The following OVOL2 variants were observed in gnomAD, a reference collection of about 807,000 sequenced individuals.
OVOL2 encodes ovo like zinc finger 2.
OVOL2 carries 13 observed loss-of-function variants against 18.1 expected under a neutral mutation model. The observed-to-expected ratio is 0.72, with a 90% CI of 0.47 to 1.14. The LOEUF (loss-of-function observed/expected upper bound fraction) is 1.14. OVOL2 is among the 50% of genes most tolerant of loss of function. The pLI is 0.00. For missense variants in OVOL2, 335 were observed against 383.0 expected, an observed-to-expected ratio of 0.87 and a Z score of 1.05; for synonymous variants, 166 against 162.7, an observed-to-expected ratio of 1.02 and a Z score of -0.16.
intron 2 of OVOL2, among the ~76,000 whole-genome samples, 178 bp from the exon 3 acceptor site, chr20:18,041,901 CCCTTT>C (rs1568636380): frequency 1.5e-4 from 20 of 137,240 alleles, no homozygotes; most frequent in African/African-American, 3.4e-4. Context: ...GTTCCTCCCA[CCCTTT>C]TTTTTTTTTT....
At position 18,049,919 on chromosome 20, in the gene OVOL2, G is replaced by A. The variant is rs138021544; in HGVS notation, c.321+6738C>T. Among the ~76,000 whole-genome samples the A allele has an allele frequency of 2.0e-4, 31 of 152,216 alleles. 1 individual carries two copies. The highest frequency in any genetic ancestry group is 7.5e-4 in the African/African-American group (31 of 41,534). On this transcript the variant is annotated intron_variant, in intron 2 of 3. Coordinates refer to ENST00000278780, the MANE Select transcript of OVOL2 (RefSeq NM_021220.4). ...AGCATCAAAGCCACATATTGACTACGGCTGACATACTGGACAGTACAGTTG... is the reference window on the plus strand; with the variant it reads ...AGCATCAAAGCCACATATTGACTACAGCTGACATACTGGACAGTACAGTTG...
At chr20:18,053,390 T>A (rs1320022255) in intron 2 of OVOL2, among the ~76,000 whole-genome samples, 1 of 152,120 alleles carries the variant, frequency 6.6e-6, no homozygotes, top group Non-Finnish European at 1.5e-5. Context: ...TAATGATCCA[T>A]GAACACAGCC....
In OVOL2 at chr20:18,033,880, C is replaced by A. The variant is rs184909542; in HGVS notation, c.511+7654G>T. Reference sequence around the variant, plus strand: ...TTAGGAAGCATCCTAGCCTGTTCAACCTAAAACACTTAAATAAATCCGAAA... The same window carrying A: ...TTAGGAAGCATCCTAGCCTGTTCAAACTAAAACACTTAAATAAATCCGAAA... On this transcript the variant is annotated intron_variant, in intron 3 of 3. Transcript: ENST00000278780. Among the ~76,000 whole-genome samples the A allele has an allele frequency of 2.7e-3, 417 of 152,260 alleles. 4 individuals are homozygous for A. The highest frequency in any genetic ancestry group is 9.5e-3 in the African/African-American group (395 of 41,550).
chr20:18,058,731 T>C (rs1302579907), upstream of OVOL2, among the ~76,000 whole-genome samples: 1 of 152,198 alleles, frequency 6.6e-6, no homozygotes, highest in African/African-American at 2.4e-5. Context: ...TAGTGAACAT[T>C]GGCTACATCT....
chr20:18,049,115 G>A (rs181835905), intron 2 of OVOL2, among the ~76,000 whole-genome samples: 1 of 152,314 alleles, frequency 6.6e-6, no homozygotes, highest in East Asian at 1.9e-4. Flanking sequence ...GCGCTTTTCT[G>A]AGCACTGTCC....
chr20:18,050,596 C>T (rs1300208820), intron 2 of OVOL2: 1 of 152,212 alleles, frequency 6.6e-6, no homozygotes, highest in Non-Finnish European at 1.5e-5. Flanking sequence ...AATTAATACA[C>T]ATTGTTCTCA....
Position 18,024,827 on chromosome 20 carries a change from G to C in OVOL2, c.637C>G (p.Leu213Val), listed in dbSNP as rs2036496662. 1 of 1,614,062 alleles carries C rather than the reference G, an allele frequency of 6.2e-7. No homozygotes were observed. Among genetic ancestry groups the C allele is most frequent in the Non-Finnish European group, 8.5e-7 (1 of 1,180,036 alleles). Reference sequence around the variant, plus strand: ...TAGCCGCAATCCTCGCAGACGTAGAGCTTGTCCCGCCGCTGCTTATAGGCA... The same window carrying C: ...TAGCCGCAATCCTCGCAGACGTAGACCTTGTCCCGCCGCTGCTTATAGGCA... ...QYAYKQRRDK[L>V]YVCEDCGYTG... The change falls in exon 4 of 4, where the codon CTC becomes GTC. Residue 213 changes from leucine (L) to valine (V), a missense_variant. Physicochemically the swap from Leu to Val is conservative, Grantham distance 32. Coordinates refer to ENST00000278780, the MANE Select transcript of OVOL2 (RefSeq NM_021220.4).
chr20:18,054,766 C>CAAAAAAAAAAAAAA (rs745367889), intron 2 of OVOL2, among the ~76,000 whole-genome samples: 23 of 63,380 alleles, frequency 3.6e-4, no homozygotes, highest in African/African-American at 1.4e-3. Context: ...AACTCCATCT[C>CAAAAAAAAAAAAAA]AAAAAAAAAA....
intron 3 of OVOL2, among the ~76,000 whole-genome samples, chr20:18,029,642 T>A (rs763519689): frequency 2.0e-5 from 3 of 152,154 alleles, no homozygotes; most frequent in Non-Finnish European, 4.4e-5. Flanking sequence ...CTGTGGTTCC[T>A]TCTGGGCAGT....
chr20:18,045,800 G>T (rs995727742), intron 2 of OVOL2, among the ~76,000 whole-genome samples: 1 of 152,120 alleles, frequency 6.6e-6, no homozygotes, highest in Non-Finnish European at 1.5e-5. Context: ...TAAAACAGGG[G>T]AGAAAATGGG....
intron 3 of OVOL2, among the ~76,000 whole-genome samples, chr20:18,027,516 C>T (rs575813648): frequency 4.0e-4 from 50 of 124,250 alleles, no homozygotes; most frequent in African/African-American, 1.4e-3. Flanking sequence ...CAACAGAGCG[C>T]GACTCCGTCT....
intron 3 of OVOL2, among the ~76,000 whole-genome samples, chr20:18,037,103 T>A (rs542189988): frequency 7.5e-5 from 10 of 132,876 alleles, no homozygotes; most frequent in African/African-American, 3.0e-4. Flanking sequence ...GCCACCGCAC[T>A]CCAGCCTGGG....
chr20:18,041,319 C>T (rs182063345), intron 3 of OVOL2, among the ~76,000 whole-genome samples: 18 of 151,892 alleles, frequency 1.2e-4, no homozygotes, highest in East Asian at 3.9e-4. Context: ...GCCACCACCA[C>T]GCCCAGCTAA....
Position 18,057,631 on chromosome 20 carries a change from G to A in OVOL2, c.4C>T (p.Pro2Ser). The A allele has an allele frequency of 1.9e-6, 3 of 1,578,200 alleles. No individual in the cohort carries two copies. Among genetic ancestry groups the A allele is most frequent in the South Asian group, 1.2e-5 (1 of 86,702 alleles). Residue 2 changes from proline to serine, a missense_variant, in exon 1 of 4, where the codon CCC becomes TCC. Transcript: ENST00000278780. This position sits in a 1 kb window ranked among gnomAD's most constrained non-coding sequence, Gnocchi z 6.3. ...CTCCTCTTCACCAGGAAGACTTTGG[G>A]CATGGTGGGGTCCCCTCTCCCGACT... is the stretch of plus-strand genomic sequence containing the variant. M[P>S]KVFLVKRRSL... is the part of the protein sequence containing the mutation.
chr20:18,054,328 G>T (rs1241078269), intron 2 of OVOL2, among the ~76,000 whole-genome samples: 2 of 152,218 alleles, frequency 1.3e-5, no homozygotes, highest in Admixed American at 1.3e-4. Flanking sequence ...CAGGGTGGGA[G>T]CATTTTTACC....
At chr20:18,025,031 T>A in intron 3 of OVOL2, 79 bp from the exon 4 acceptor site, 3 of 1,482,540 alleles carry the variant, frequency 2.0e-6, no homozygotes, top group Non-Finnish European at 2.7e-6. Context: ...CCAGTAAAAG[T>A]CATGCCATGA....
chr20:18,056,816 G>C lies in OVOL2; in HGVS notation c.162C>G (p.Ser54Arg). ...PEDCRSDGGS[S>R]SGSGSSSAGE... ...CCGCGCTGCTGCTGCCGCTGCCGCTGCTGCTGCCGCCGTCGCTGCGGCAGT... is the reference window on the plus strand; with the variant it reads ...CCGCGCTGCTGCTGCCGCTGCCGCTCCTGCTGCCGCCGTCGCTGCGGCAGT... Residue 54 changes from serine (S) to arginine (R), a missense_variant, in exon 2 of 4, where the codon AGC (serine) becomes AGG (arginine). By Grantham distance (110) the Ser-to-Arg change is moderately radical (BLOSUM62 -1). Coordinates refer to ENST00000278780, the MANE Select transcript of OVOL2 (RefSeq NM_021220.4). This position sits in a 1 kb window ranked among gnomAD's most constrained non-coding sequence, Gnocchi z 4.2. 6.7e-7 allele frequency: 1 copy of C among 1,493,166 alleles called. No individual in the cohort carries two copies. The highest frequency in any genetic ancestry group is 8.9e-7 in the Non-Finnish European group (1 of 1,128,912). The allele number at this position is 1,493,166 out of a possible 1,614,324, so 92.5% of individuals were successfully genotyped here.
At chr20:18,039,584 G>C (rs1450108127) in intron 3 of OVOL2, among the ~76,000 whole-genome samples, 1 of 143,154 alleles carries the variant, frequency 7.0e-6, no homozygotes, top group African/African-American at 2.6e-5. Context: ...CTCCAGCCTG[G>C]GTGAGAGAGC....
chr20:18,056,729 C>G lies in OVOL2; in HGVS notation c.249G>C (p.Glu83Asp), dbSNP rs1351417289. The stretch of plus-strand genomic sequence containing the variant: ...CATCGGGGCCCTCGGCGTCGCCGGG[C>G]TCGGGGGTTTCGCTCTCGGGGGCGT... ...SPHAPESETP[E>D]PGDAEGPDGH... is the part of the protein sequence containing the mutation. Residue 83 changes from glutamate to aspartate, a missense_variant, in exon 2 of 4, where the codon GAG becomes GAC. Glu to Asp is a conservative substitution (Grantham distance 45). Transcript: ENST00000278780. The surrounding 1 kb of genome is among the most constrained non-coding windows in gnomAD (Gnocchi z 4.2). 2 of 1,478,796 alleles carry G rather than the reference C, an allele frequency of 1.4e-6. No homozygotes were observed. The highest frequency in any genetic ancestry group is 1.3e-5 in the South Asian group (1 of 74,468). The allele number at this position is 1,478,796 out of a possible 1,614,324, so 91.6% of individuals were successfully genotyped here.
Sources: allele counts gnomAD v4.1 joint callset (sites outside exome capture counted in the v4.1 genomes callset), GRCh38; gene constraint gnomAD v4.1.1; non-coding constraint Gnocchi (gnomAD v3.1); transcripts MANE v1.5; gene names NCBI Gene and HGNC (gene_info 2026-07-23, HGNC 2026-07-21).